KIAA1217: variants seen among roughly 807,000 people sequenced by gnomAD.
KIAA1217 encodes KIAA1217.
KIAA1217 carries 88 observed loss-of-function variants against 163.9 expected under a neutral mutation model. That is an observed-to-expected ratio of 0.54 (90% CI 0.45 to 0.64). KIAA1217 has a LOEUF of 0.64. KIAA1217 is among the 30% of genes least tolerant of loss of function. KIAA1217 has a pLI of 0.00. For missense variants in KIAA1217, 2,372 were observed against 2,475.0 expected (o/e 0.96, Z 0.88); for synonymous variants, 903 against 923.1 (o/e 0.98, Z 0.39).
At chr10:24,121,648 G>A (rs985196113) in intron 2 of KIAA1217, among the ~76,000 whole-genome samples, 8 of 152,052 alleles carry the variant, frequency 5.3e-5, no homozygotes, top group South Asian at 2.1e-4. Context: ...ATTAGTATAC[G>A]ACAAATAGAG....
chr10:24,503,575 G>A (rs1473967235), intron 9 of KIAA1217, among the ~76,000 whole-genome samples: 3 of 152,156 alleles, frequency 2.0e-5, no homozygotes, highest in Non-Finnish European at 4.4e-5. Context: ...GTTCCAACTG[G>A]CTCTTAACCT....
chr10:24,104,015 G>A (rs2062522797), intron 2 of KIAA1217, among the ~76,000 whole-genome samples: 1 of 152,106 alleles, frequency 6.6e-6, no homozygotes, highest in South Asian at 2.1e-4. Flanking sequence ...ATCTTGAATT[G>A]TAGTTCCCAT....
intron 1 of KIAA1217, among the ~76,000 whole-genome samples, chr10:23,902,969 T>C (rs180915370): frequency 4.6e-5 from 7 of 152,212 alleles, no homozygotes; most frequent in Non-Finnish European, 8.8e-5. Context: ...ACAGGCAGGA[T>C]CCTAAGCAGG....
intron 3 of KIAA1217, among the ~76,000 whole-genome samples, chr10:24,411,034 A>G (rs1419280420): frequency 3.3e-5 from 5 of 152,178 alleles, no homozygotes; most frequent in Admixed American, 2.0e-4. Context: ...GGCACCACCT[A>G]TTAAAAACAA....
chr10:23,719,567 C>T (rs145830383), intron 1 of KIAA1217, among the ~76,000 whole-genome samples: 4 of 141,508 alleles, frequency 2.8e-5, no homozygotes, highest in African/African-American at 5.7e-5. Context: ...GGTGACAAAG[C>T]GAGACCCCCT....
chr10:24,022,095 A>G (rs1847756716), intron 2 of KIAA1217, among the ~76,000 whole-genome samples: 2 of 151,732 alleles, frequency 1.3e-5, no homozygotes, highest in Admixed American at 1.3e-4. Flanking sequence ...AAAAAAACTG[A>G]CAAACTGGAC....
chr10:23,748,218 T>A (rs530221725), intron 1 of KIAA1217, among the ~76,000 whole-genome samples: 34 of 152,242 alleles, frequency 2.2e-4, no homozygotes, highest in African/African-American at 7.9e-4. Context: ...AGTGCTTGTT[T>A]CCTAGTGAAC....
At chr10:24,055,593 GTGGC>G (rs1849835395) in intron 2 of KIAA1217, among the ~76,000 whole-genome samples, 2 of 152,136 alleles carry the variant, frequency 1.3e-5, no homozygotes, top group African/African-American at 4.8e-5. Flanking sequence ...TAGTATTTGT[GTGGC>G]TGTCCTTCCT....
intron 2 of KIAA1217, among the ~76,000 whole-genome samples, chr10:24,363,803 C>G (rs1015638443): frequency 4.6e-5 from 7 of 151,938 alleles, no homozygotes; most frequent in African/African-American, 1.7e-4. Context: ...CACACCTGAC[C>G]TCAAGCACTC....
At chr10:24,303,411 C>T (rs2041620222) in intron 2 of KIAA1217, among the ~76,000 whole-genome samples, 1 of 152,136 alleles carries the variant, frequency 6.6e-6, no homozygotes, top group Admixed American at 6.6e-5. Flanking sequence ...GAGGAGGCTC[C>T]TGGACAACGT....
In KIAA1217 at chr10:24,544,169, C is replaced by A; in HGVS notation, c.4899C>A (p.Thr1633=). 1 of 1,614,016 alleles carries A rather than the reference C, an allele frequency of 6.2e-7. No homozygotes were observed. Among genetic ancestry groups the A allele is most frequent in the Admixed American group, 1.7e-5 (1 of 60,014 alleles). ...TCGCTAGGTCTCAACCTGAAGACAC[C>A]CCTGAAAACACAGTGAGGAGGCAAG... ...FEIARSQPED[T]PENTVRRQEQ... is the part of the protein sequence containing the mutation. The change falls in exon 19 of 21, where the codon ACC becomes ACA. Residue 1633 remains threonine, a synonymous_variant. Coordinates refer to ENST00000376454, the MANE Select transcript of KIAA1217 (RefSeq NM_019590.5).
intron 2 of KIAA1217, among the ~76,000 whole-genome samples, chr10:24,038,915 T>G (rs926875154): frequency 6.6e-6 from 1 of 152,126 alleles, no homozygotes; most frequent in Non-Finnish European, 1.5e-5. Context: ...GGCTAAGTTT[T>G]GTATTTTTCG....
At chr10:24,108,254 C>T (rs1417805823) in intron 2 of KIAA1217, among the ~76,000 whole-genome samples, 1 of 152,196 alleles carries the variant, frequency 6.6e-6, no homozygotes, top group Non-Finnish European at 1.5e-5. Context: ...GAGGCAGAAA[C>T]TCTAGGATTA....
chr10:24,479,915 G>A (rs764456739), intron 6 of KIAA1217, among the ~76,000 whole-genome samples: 58 of 152,212 alleles, frequency 3.8e-4, no homozygotes, highest in Admixed American at 6.5e-4. Flanking sequence ...ATTGAGAACA[G>A]CATGAGGCCC....
intron 1 of KIAA1217, among the ~76,000 whole-genome samples, chr10:23,789,617 A>T (rs1835647573): frequency 6.6e-6 from 1 of 152,130 alleles, no homozygotes; most frequent in African/African-American, 2.4e-5. Flanking sequence ...CTAGCAACTC[A>T]GTAAATGCTA....
chr10:24,267,476 A>G (rs942964221), intron 2 of KIAA1217, among the ~76,000 whole-genome samples: 7 of 152,136 alleles, frequency 4.6e-5, no homozygotes, highest in African/African-American at 1.4e-4. Flanking sequence ...CTATATATCT[A>G]CATCTATACC....
chr10:23,710,950 G>T (rs1482368221), intron 1 of KIAA1217, among the ~76,000 whole-genome samples: 2 of 152,160 alleles, frequency 1.3e-5, no homozygotes, highest in African/African-American at 4.8e-5. Flanking sequence ...GAGTGATTTT[G>T]CTTTGTAGAG....
At chr10:24,003,286 G>A (rs1258671929) in intron 1 of KIAA1217, among the ~76,000 whole-genome samples, 1 of 152,150 alleles carries the variant, frequency 6.6e-6, no homozygotes, top group Non-Finnish European at 1.5e-5. Flanking sequence ...GCATAAAAGT[G>A]TCCCCTTTAT....
chr10:24,409,972 T>C lies in KIAA1217; in HGVS notation c.554-23023T>C, dbSNP rs1303761209. Among the ~76,000 whole-genome samples the C allele has an allele frequency of 4.6e-5, 7 of 150,778 alleles. No homozygotes were observed. In the Admixed American group the frequency reaches 4.7e-4, roughly 10 times the overall value. On this transcript the variant is annotated intron_variant, in intron 3 of 20. Coordinates refer to ENST00000376454, the MANE Select transcript of KIAA1217 (RefSeq NM_019590.5). ...CATCATATATATATCACAATTTCTTTTCTTTTCTTTTCTTTTTCTTTTTTC... is the reference window on the plus strand; with the variant it reads ...CATCATATATATATCACAATTTCTTCTCTTTTCTTTTCTTTTTCTTTTTTC...
Sources: gnomAD v4.1 joint callset for allele counts (sites outside exome capture counted in the v4.1 genomes callset) on GRCh38, gnomAD v4.1.1 for gene constraint, MANE v1.5 for transcripts, NCBI Gene and HGNC (gene_info 2026-07-23, HGNC 2026-07-21) for gene names.